Variants in TBCK observed in about 807,000 individuals in gnomAD.
The protein encoded by TBCK is TBC domain-containing protein kinase-like protein.
In TBCK, 99 loss-of-function variants were observed where a neutral mutation model predicts 113.4. The ratio of observed to expected loss-of-function variants is 0.87; its 90% CI spans 0.74 to 1.03. The LOEUF (loss-of-function observed/expected upper bound fraction) is 1.03, where lower values mean the gene tolerates loss of function less well. Ranked by LOEUF, TBCK falls within the 50% of genes least tolerant of loss-of-function variation. TBCK has a pLI of 0.00. For synonymous variants in TBCK, 369 were observed against 370.8 expected (o/e 1.00, Z 0.05); for missense variants, 1,045 against 1,061.3 (o/e 0.98, Z 0.21).
At chr4:106,230,303 A>C (rs1758715632) in intron 19 of TBCK, 60 bp downstream of exon 19, 1 of 1,060,046 alleles carries the variant, frequency 9.4e-7, no homozygotes, top group African/African-American at 1.6e-5. Flanking sequence ...CAAATATTAC[A>C]TCAGCACACC....
intron 20 of TBCK, among the ~76,000 whole-genome samples, chr4:106,194,971 T>C (rs1201490669): frequency 6.6e-6 from 1 of 152,138 alleles, no homozygotes; most frequent in Non-Finnish European, 1.5e-5. Flanking sequence ...TAGTGAATCA[T>C]ATCTAACTGG....
intron 24 of TBCK, among the ~76,000 whole-genome samples, chr4:106,098,221 C>T (rs569349962): frequency 6.6e-6 from 1 of 152,104 alleles, no homozygotes; most frequent in East Asian, 1.9e-4. Flanking sequence ...TTTCTCATTA[C>T]ATAAACACAG....
intron 3 of TBCK, among the ~76,000 whole-genome samples, chr4:106,288,106 T>TA (rs58899758): frequency 0.011 from 1,480 of 131,922 alleles, 48 homozygotes; most frequent in Admixed American, 0.081. Context: ...AACCCTTTCT[T>TA]AAAAAAAAAA....
chr4:106,151,010 T>A (rs1444680465), intron 23 of TBCK, among the ~76,000 whole-genome samples: 1 of 152,018 alleles, frequency 6.6e-6, no homozygotes, highest in African/African-American at 2.4e-5. Flanking sequence ...TAGGTTTTTA[T>A]GTATGTATGT....
intron 23 of TBCK, among the ~76,000 whole-genome samples, chr4:106,161,972 G>A (rs1749854760): frequency 6.6e-6 from 1 of 151,992 alleles, no homozygotes; most frequent in Admixed American, 6.6e-5. Context: ...GTCTCCCAAA[G>A]CCTTATTTCA....
chr4:106,264,564 G>A (rs1762809394), intron 3 of TBCK, among the ~76,000 whole-genome samples: 1 of 151,954 alleles, frequency 6.6e-6, no homozygotes, highest in African/African-American at 2.4e-5. Context: ...AAGATGGGAA[G>A]TGATTGGCAC....
chr4:106,171,157 C>T lies in TBCK; in HGVS notation c.2173G>A (p.Gly725Arg). The change falls in exon 23 of 26, where the codon GGA becomes AGA. Residue 725 changes from glycine (G) to arginine (R), a missense_variant. Physicochemically the swap from Gly to Arg is moderately radical, Grantham distance 125. Coordinates refer to ENST00000394708, the MANE Select transcript of TBCK (RefSeq NM_001163435.3). ...AAATAAGGTGCCGAACTTCTGCCTC[C>T]ACTGCTGTCAGAAGATGGCTTTGGA... is the stretch of plus-strand genomic sequence containing the variant. ...QPPKPSSDSSGGRSSAPYFSA... is the reference protein window; with the variant it reads ...QPPKPSSDSSRGRSSAPYFSA... The T allele has an allele frequency of 6.2e-7, 1 of 1,612,750 alleles. No individual in the cohort carries two copies. Among genetic ancestry groups the T allele is most frequent in the Non-Finnish European group, 8.5e-7 (1 of 1,179,316 alleles).
chr4:106,193,031 T>C (rs1221919623), intron 22 of TBCK, among the ~76,000 whole-genome samples: 1 of 152,162 alleles, frequency 6.6e-6, no homozygotes, highest in Non-Finnish European at 1.5e-5. Context: ...ACTATAGTTA[T>C]CCATATTTCT....
chr4:106,048,770 C>G (rs965958081), intron 25 of TBCK, among the ~76,000 whole-genome samples: 3 of 152,228 alleles, frequency 2.0e-5, no homozygotes, highest in African/African-American at 7.2e-5. Context: ...GTACATGCAA[C>G]TAATCTCCCT....
At chr4:106,225,968 C>G (rs536899361) in intron 19 of TBCK, among the ~76,000 whole-genome samples, 14 of 151,988 alleles carry the variant, frequency 9.2e-5, no homozygotes, top group Admixed American at 2.6e-4. Context: ...TTGAGATCAG[C>G]CTGGGGAACA....
chr4:106,212,715 TAACCA>T, intron 20 of TBCK, 30 bp downstream of exon 20: 2 of 1,427,670 alleles, frequency 1.4e-6, no homozygotes, highest in Non-Finnish European at 1.9e-6. Flanking sequence ...TTTTTTTTTT[TAACCA>T]CATGTTCTAT....
chr4:106,180,659 C>T (rs568974267), intron 22 of TBCK, among the ~76,000 whole-genome samples: 41 of 152,076 alleles, frequency 2.7e-4, no homozygotes, highest in East Asian at 1.9e-4. Flanking sequence ...TGTGATAATT[C>T]GCTGAGAATG....
intron 25 of TBCK, among the ~76,000 whole-genome samples, chr4:106,059,107 C>G (rs1735753055): frequency 6.6e-6 from 1 of 151,692 alleles, no homozygotes; most frequent in South Asian, 2.1e-4. Context: ...ACAGATAGCC[C>G]TGGGTCTGAA....
chr4:106,298,786 A>G (rs1449251844), intron 2 of TBCK, among the ~76,000 whole-genome samples: 15 of 152,340 alleles, frequency 9.8e-5, no homozygotes, highest in African/African-American at 3.6e-4. Flanking sequence ...CACGCCTCAA[A>G]CTACAAAATT....
At chr4:106,221,446 G>T (rs1057121552) in intron 19 of TBCK, among the ~76,000 whole-genome samples, 6 of 151,690 alleles carry the variant, frequency 4.0e-5, no homozygotes, top group African/African-American at 7.3e-5. Context: ...CATAAGTTTT[G>T]GTTGCTCAGG....
chr4:106,285,700 G>A (rs1765045938), intron 3 of TBCK, among the ~76,000 whole-genome samples: 1 of 152,062 alleles, frequency 6.6e-6, no homozygotes, highest in African/African-American at 2.4e-5. Context: ...GCAGCTTATG[G>A]TTTTGCAACA....
rs112852104 is a variant in TBCK at position 106,057,370 on chromosome 4, C to T, written c.2572-10690G>A. On this transcript the variant is annotated intron_variant, in intron 25 of 25. Transcript: ENST00000394708. ...GGGAAGATGCTTAAATTTTGGCAAA[C>T]CTTAATACAAATAAAAAAGTTATTT... is the stretch of plus-strand genomic sequence containing the variant. 8.5e-3 allele frequency among the ~76,000 whole-genome samples: 1,294 copies of T among 151,812 alleles called. 9 individuals carry two copies. Among genetic ancestry groups the T allele is most frequent in the Middle Eastern group, 0.02 (6 of 294 alleles).
intron 23 of TBCK, among the ~76,000 whole-genome samples, chr4:106,169,130 A>C (rs541682391): frequency 2.7e-4 from 41 of 152,236 alleles, no homozygotes; most frequent in African/African-American, 9.4e-4. Context: ...TATTGTCAAC[A>C]GTTCTTCCCA....
chr4:106,197,570 C>G (rs1330585131), intron 20 of TBCK, among the ~76,000 whole-genome samples: 1 of 151,306 alleles, frequency 6.6e-6, no homozygotes, highest in Non-Finnish European at 1.5e-5. Flanking sequence ...AAAAAAACAC[C>G]CACAACTGTT....
Sources: allele counts gnomAD v4.1 joint callset (sites outside exome capture counted in the v4.1 genomes callset), GRCh38; gene constraint gnomAD v4.1.1; transcripts MANE v1.5; gene names NCBI Gene and HGNC (gene_info 2026-07-23, HGNC 2026-07-21).